The following NEK9 variants were observed in gnomAD, a reference collection of about 807,000 sequenced individuals.
NEK9 encodes serine/threonine-protein kinase Nek9.
A neutral mutation model predicts 123.4 loss-of-function variants in NEK9; 75 were observed. That is an observed-to-expected ratio of 0.61 (90% CI 0.50 to 0.74). NEK9 has a LOEUF of 0.74. NEK9 is among the 30% of genes least tolerant of loss of function. NEK9 has a pLI of 0.00. For missense variants in NEK9, 952 were observed against 1,214.4 expected (o/e 0.78, Z 3.21); for synonymous variants, 438 against 458.7 (o/e 0.95, Z 0.58).
At position 75,101,717 on chromosome 14, in the gene NEK9, A is replaced by C. The variant is rs1326119640; in HGVS notation, c.1780T>G (p.Leu594Val). ...YTTSFTLAKQLSFYKIRTIAP... is the reference protein window; with the variant it reads ...YTTSFTLAKQVSFYKIRTIAP... ...ATGGTACGGATCTTATAAAAGGACA[A>C]CTGTTTGGCCAAGGTAAAGGACGTT... is the stretch of plus-strand genomic sequence containing the variant. Residue 594 changes from leucine (L) to valine (V), a missense_variant, in exon 15 of 22, where the codon TTG becomes GTG. Transcript: ENST00000238616. 1 of 1,614,164 alleles carries C rather than the reference A, an allele frequency of 6.2e-7. No homozygotes were observed.
chr14:75,091,292 G>C lies in NEK9; in HGVS notation c.2420C>G (p.Ser807Cys). 3.1e-6 allele frequency: 5 copies of C among 1,612,082 alleles called. No individual in the cohort carries two copies. The highest frequency in any genetic ancestry group is 3.4e-6 in the Non-Finnish European group (4 of 1,179,246). Residue 807 changes from serine to cysteine, a missense_variant, in exon 19 of 22, where the codon TCC (serine) becomes TGC (cysteine). By Grantham distance (112) the Ser-to-Cys change is moderately radical. Coordinates refer to ENST00000238616, the MANE Select transcript of NEK9 (RefSeq NM_033116.6). ...AMGNSNGASS[S>C]CPGWLRKELE... ...TACCTTTCGAAGCCAGCCAGGACAG[G>C]AGCTGCTGGCCCCATTACTGTTCCC... is the stretch of plus-strand genomic sequence containing the variant.
chr14:75,117,121 G>T, intron 6 of NEK9, 74 bp downstream of exon 6: 1 of 1,487,876 alleles, frequency 6.7e-7, no homozygotes, highest in Non-Finnish European at 9.1e-7. Flanking sequence ...CCTGGGAATA[G>T]AGTTGATCTG....
intron 5 of NEK9, among the ~76,000 whole-genome samples, chr14:75,117,910 C>A (rs1895194553): frequency 6.6e-6 from 1 of 152,124 alleles, no homozygotes; most frequent in Non-Finnish European, 1.5e-5. Flanking sequence ...ATAATGAATG[C>A]CCTAGCAGCT....
intron 16 of NEK9, among the ~76,000 whole-genome samples, chr14:75,100,585 C>T (rs1894543242): frequency 6.6e-6 from 1 of 152,156 alleles, no homozygotes; most frequent in Non-Finnish European, 1.5e-5. Flanking sequence ...CTATGGACAT[C>T]ACTGCAGTAC....
At chr14:75,098,966 G>C (rs777210444) in intron 16 of NEK9, among the ~76,000 whole-genome samples, 1 of 152,158 alleles carries the variant, frequency 6.6e-6, no homozygotes, top group Non-Finnish European at 1.5e-5. Flanking sequence ...TAAACAGTTT[G>C]CTCCTTAAAG....
At position 75,108,064 on chromosome 14, in the gene NEK9, A is replaced by C. The variant is rs115174538; in HGVS notation, c.1183-577T>G. Among the ~76,000 whole-genome samples, 602 of 152,226 alleles carry C rather than the reference A, an allele frequency of 4.0e-3. 4 individuals carry two copies. The highest frequency in any genetic ancestry group is 0.014 in the African/African-American group (580 of 41,546). On this transcript the variant is annotated intron_variant, in intron 10 of 21. Coordinates refer to ENST00000238616, the MANE Select transcript of NEK9 (RefSeq NM_033116.6). ...CTGAAACATGGAAGAGTTATAAAGA[A>C]TCTGGCTACATCAAAGAGGCTGCTA...
intron 9 of NEK9, 81 bp from the exon 10 acceptor site, chr14:75,109,958 G>A: frequency 2.3e-6 from 3 of 1,309,220 alleles, no homozygotes; most frequent in Non-Finnish European, 3.1e-6. Flanking sequence ...TGTTCCCTGA[G>A]AAGAACTGCC....
intron 17 of NEK9, 29 bp from the exon 18 acceptor site, chr14:75,095,460 C>A (rs749480671): frequency 1.4e-5 from 22 of 1,521,262 alleles, no homozygotes; most frequent in Middle Eastern, 1.7e-4. Flanking sequence ...TAGGTAAGCA[C>A]TGTATACTGA....
intron 11 of NEK9, 55 bp from the exon 12 acceptor site, chr14:75,106,757 C>T: frequency 6.8e-7 from 1 of 1,464,466 alleles, no homozygotes; most frequent in East Asian, 2.3e-5. Flanking sequence ...TTTATCTAAT[C>T]AGAAAGTTGG....
At chr14:75,101,341 G>A (rs1169730725) in intron 15 of NEK9, among the ~76,000 whole-genome samples, 188 bp from the exon 16 acceptor site, 1 of 152,116 alleles carries the variant, frequency 6.6e-6, no homozygotes, top group Non-Finnish European at 1.5e-5. Flanking sequence ...TCCAGTCAGC[G>A]ACTCGATATT....
At position 75,081,577 on chromosome 14, in the gene NEK9, A is replaced by C. The variant is rs1893869693; in HGVS notation, c.*2987T>G. 1 of 152,168 alleles carries C rather than the reference A, an allele frequency of 6.6e-6. No homozygotes were observed. Among genetic ancestry groups the C allele is most frequent in the African/African-American group, 2.4e-5 (1 of 41,440 alleles). The allele number at this position is 152,168 out of a possible 1,614,324, so 9.4% of individuals were successfully genotyped here. A position where few individuals can be genotyped will look rare whatever the true frequency, so the allele number is the denominator to read the frequency against. ...ATTTCATGTGAATGAATTTATTTAA[A>C]ATGTATTCTTGCCCCTGAATTGTTC... On this transcript the variant is annotated 3_prime_UTR_variant, in exon 22 of 22. Coordinates refer to ENST00000238616, the MANE Select transcript of NEK9 (RefSeq NM_033116.6). This position sits in a 1 kb window ranked among gnomAD's most constrained non-coding sequence, Gnocchi z 4.2.
intron 4 of NEK9, among the ~76,000 whole-genome samples, chr14:75,119,583 C>T (rs535599809): frequency 6.6e-6 from 1 of 152,324 alleles, no homozygotes; most frequent in African/African-American, 2.4e-5. Context: ...TAAGATACCA[C>T]ACCTCTTCAA....
intron 19 of NEK9, 45 bp from the exon 20 acceptor site, chr14:75,088,686 G>A (rs1413416434): frequency 1.3e-6 from 2 of 1,569,614 alleles, no homozygotes; most frequent in Non-Finnish European, 1.7e-6. Flanking sequence ...TGCAGTATTT[G>A]CTTCCTCCCA....
chr14:75,114,358 G>T, intron 6 of NEK9, 45 bp from the exon 7 acceptor site: 1 of 1,424,724 alleles, frequency 7.0e-7, no homozygotes, highest in South Asian at 1.1e-5. Flanking sequence ...ATATAAAGAT[G>T]ATGCTATACT....
At chr14:75,096,216 G>GCAGTGAGC (rs1467239248) in intron 17 of NEK9, among the ~76,000 whole-genome samples, 1 of 149,512 alleles carries the variant, frequency 6.7e-6, no homozygotes, top group Non-Finnish European at 1.5e-5. Flanking sequence ...CTGGGAGGAT[G>GCAGTGAGC]CAGTGAGCTG....
intron 18 of NEK9, among the ~76,000 whole-genome samples, chr14:75,094,432 C>T (rs374481820): frequency 1.1e-4 from 17 of 152,188 alleles, no homozygotes; most frequent in Non-Finnish European, 1.8e-4. Flanking sequence ...CTGGGACTAA[C>T]GGCTGTGCCA....
intron 1 of NEK9, among the ~76,000 whole-genome samples, chr14:75,125,495 G>A (rs1895492848): frequency 6.6e-6 from 1 of 152,120 alleles, no homozygotes; most frequent in Non-Finnish European, 1.5e-5. Flanking sequence ...AAAAGGCAAT[G>A]GGCAAGATGT....
chr14:75,114,440 T>G (rs942447199), intron 6 of NEK9, 127 bp from the exon 7 acceptor site: 17 of 704,796 alleles, frequency 2.4e-5, no homozygotes, highest in Non-Finnish European at 4.2e-5. Flanking sequence ...CTTCTTGTTA[T>G]AACTACTAGT....
At position 75,104,002 on chromosome 14, in the gene NEK9, A is replaced by G; in HGVS notation, c.1576-5T>C. 6.3e-7 allele frequency: 1 copy of G among 1,598,564 alleles called. No homozygotes were observed. Among genetic ancestry groups the G allele is most frequent in the Non-Finnish European group, 8.5e-7 (1 of 1,175,614 alleles). On this transcript the variant is annotated splice_polypyrimidine_tract_variant and splice_region_variant and intron_variant, in intron 13 of 21. Coordinates refer to ENST00000238616, the MANE Select transcript of NEK9 (RefSeq NM_033116.6). Reference sequence around the variant, plus strand: ...CAAGGCCTTGGGAACATCCACCTGCAAGAAAAAAATCAGAAAAAGAAATCC... The same window carrying G: ...CAAGGCCTTGGGAACATCCACCTGCGAGAAAAAAATCAGAAAAAGAAATCC...
Sources: gnomAD v4.1 joint callset for allele counts (sites outside exome capture counted in the v4.1 genomes callset) on GRCh38, gnomAD v4.1.1 for gene constraint, Gnocchi (gnomAD v3.1) non-coding constraint, MANE v1.5 for transcripts, NCBI Gene and HGNC (gene_info 2026-07-23, HGNC 2026-07-21) for gene names.